Variants in LRSAM1 observed in about 807,000 individuals in gnomAD.
LRSAM1 encodes E3 ubiquitin-protein ligase LRSAM1.
A neutral mutation model predicts 118.1 loss-of-function variants in LRSAM1; 96 were observed. That is an observed-to-expected ratio of 0.81 (90% CI 0.69 to 0.96). The LOEUF (loss-of-function observed/expected upper bound fraction) is 0.96. Ranked by LOEUF, LRSAM1 falls within the 40% of genes least tolerant of loss-of-function variation. The pLI, the probability that LRSAM1 is intolerant of heterozygous loss-of-function variation, is 0.00. For missense variants in LRSAM1, 804 were observed against 915.5 expected, an observed-to-expected ratio of 0.88 and a Z score of 1.57; for synonymous variants, 322 against 364.2, an observed-to-expected ratio of 0.88 and a Z score of 1.32.
intron 3 of LRSAM1, 58 bp downstream of exon 3, chr9:127,454,657 G>A: frequency 4.5e-6 from 7 of 1,549,160 alleles, no homozygotes; most frequent in Non-Finnish European, 6.2e-6. Flanking sequence ...TCCCCATGGA[G>A]TAGGCCTCCG....
chr9:127,462,428 C>T, intron 9 of LRSAM1, 55 bp downstream of exon 9: 1 of 1,612,220 alleles, frequency 6.2e-7, no homozygotes, highest in Non-Finnish European at 8.5e-7. Flanking sequence ...CACCTCCCCT[C>T]TCTCCCACAT....
intron 18 of LRSAM1, 98 bp downstream of exon 18, chr9:127,487,861 C>T: frequency 4.8e-6 from 5 of 1,037,544 alleles, no homozygotes; most frequent in Non-Finnish European, 7.2e-6. Flanking sequence ...TCCTAGACAG[C>T]ATGTGGGACC....
chr9:127,454,661 G>C, intron 3 of LRSAM1, 62 bp downstream of exon 3: 1 of 1,509,382 alleles, frequency 6.6e-7, no homozygotes, highest in Non-Finnish European at 9.1e-7. Context: ...CATGGAGTAG[G>C]CCTCCGCACT....
In LRSAM1 at chr9:127,483,017, G is replaced by A. The variant is rs1376473313; in HGVS notation, c.1156G>A (p.Ala386Thr). Residue 386 changes from alanine to threonine, a missense_variant, in exon 16 of 26, where the codon GCC becomes ACC. Physicochemically the swap from Ala to Thr is moderately conservative, Grantham distance 58. Transcript: ENST00000300417. ...ETESLRRRDVASAMQQMLTES... is the reference protein window; with the variant it reads ...ETESLRRRDVTSAMQQMLTES... ...TGAGAGCCTGCGGCGACGTGACGTT[G>A]CCTGTGAGTTTTGGGATGGGGAGCT... The A allele has an allele frequency of 6.2e-7, 1 of 1,604,960 alleles. No homozygotes were observed. The highest frequency in any genetic ancestry group is 2.2e-5 in the East Asian group (1 of 44,500).
Position 127,492,715 on chromosome 9 carries a change from G to A in LRSAM1, c.1504-87G>A, listed in dbSNP as rs1835975828. ...ATTGGGCAGAGAACCGAGTGAGCGG[G>A]AGGCCAGGCCCTTCTCCATCCTGCC... is the stretch of plus-strand genomic sequence containing the variant. On this transcript the variant is annotated intron_variant, in intron 20 of 25. Transcript: ENST00000300417. The A allele has an allele frequency of 4.0e-6, 5 of 1,241,412 alleles. No individual in the cohort carries two copies. The Admixed American group carries it at 5.7e-5, about 14-fold the overall frequency. 76.9% of individuals were successfully genotyped at this position (1,241,412 alleles called of 1,614,324 possible).
In LRSAM1 at chr9:127,502,925, T is replaced by G. The variant is rs1305869985; in HGVS notation, c.*26T>G. ...GTGCTGCCCGCCCACCTGGGCCTGG[T>G]CCTAGCCCTGCCTCGGCCACTGTGA... On this transcript the variant is annotated 3_prime_UTR_variant, in exon 26 of 26. Transcript: ENST00000300417. 13 of 1,574,504 alleles carry G rather than the reference T, an allele frequency of 8.3e-6. No homozygotes were observed. Among genetic ancestry groups the G allele is most frequent in the Non-Finnish European group, 1.1e-5 (13 of 1,161,436 alleles).
At chr9:127,479,114 C>A in intron 12 of LRSAM1, 151 bp downstream of exon 12, 1 of 956,900 alleles carries the variant, frequency 1.0e-6, no homozygotes, top group Non-Finnish European at 1.6e-6. Context: ...TGCATCCTCA[C>A]ATGCCTCAGG....
At chr9:127,472,946 C>T (rs1157602790) in intron 10 of LRSAM1, among the ~76,000 whole-genome samples, 1 of 152,130 alleles carries the variant, frequency 6.6e-6, no homozygotes, top group East Asian at 1.9e-4. Flanking sequence ...GGCACGAGCG[C>T]CCTAGGGTGC....
At chr9:127,474,003 T>C (rs1835269420) in intron 11 of LRSAM1, 72 bp downstream of exon 11, 3 of 1,606,518 alleles carry the variant, frequency 1.9e-6, no homozygotes, top group African/African-American at 2.7e-5. Flanking sequence ...TTGAGGGAGC[T>C]GGGAATGGAA....
intron 17 of LRSAM1, chr9:127,486,701 C>T (rs1835745685): frequency 6.6e-6 from 1 of 152,288 alleles, no homozygotes; most frequent in Admixed American, 6.5e-5. Flanking sequence ...TCAGGCAAGT[C>T]TCTTTCCTTC....
chr9:127,492,785 T>C lies in LRSAM1; in HGVS notation c.1504-17T>C, dbSNP rs1360128248. On this transcript the variant is annotated splice_polypyrimidine_tract_variant and intron_variant, in intron 20 of 25. Coordinates refer to ENST00000300417, the MANE Select transcript of LRSAM1 (RefSeq NM_001005373.4). ...GCCGCCAGCTCACGGTGGTGCGGGG[T>C]GTGGTCTTGTTCGCAGGAGATGATC... The C allele has an allele frequency of 1.2e-6, 2 of 1,611,064 alleles. No individual in the cohort carries two copies. Among genetic ancestry groups the C allele is most frequent in the Non-Finnish European group, 8.5e-7 (1 of 1,178,726 alleles).
In LRSAM1 at chr9:127,454,564, G is replaced by A; in HGVS notation, c.37G>A (p.Glu13Lys). The change falls in exon 3 of 26, where the codon GAG becomes AAG. Residue 13 changes from glutamate (E) to lysine (K), a missense_variant. By Grantham distance (56) the Glu-to-Lys change is moderately conservative. Coordinates refer to ENST00000300417, the MANE Select transcript of LRSAM1 (RefSeq NM_001005373.4). ...CTTCCGGAAGCGGAAACCCAGTGAG[G>A]AGGCTCGGAAACGCCTGGAGTACCA... is the stretch of plus-strand genomic sequence containing the variant. ...LFFRKRKPSE[E>K]ARKRLEYQMC... 1.9e-6 allele frequency: 3 copies of A among 1,614,162 alleles called. No individual in the cohort carries two copies. The highest frequency in any genetic ancestry group is 2.5e-6 in the Non-Finnish European group (3 of 1,180,018).
chr9:127,479,421 C>T lies in LRSAM1; in HGVS notation c.819C>T (p.Arg273=). 1 of 1,614,206 alleles carries T rather than the reference C, an allele frequency of 6.2e-7. No individual in the cohort carries two copies. The highest frequency in any genetic ancestry group is 8.5e-7 in the Non-Finnish European group (1 of 1,180,036). The stretch of plus-strand genomic sequence containing the variant: ...TGGAGAAACTCGAGTTTGAACGGCG[C>T]CTGGAACTGGGGCAGCGGGAGCACA... ...KMLEKLEFER[R]LELGQREHTQ... Residue 273 remains arginine (R), a synonymous_variant, in exon 13 of 26, where the codon CGC becomes CGT. Transcript: ENST00000300417.
At chr9:127,459,775 C>T (rs1564253142) in intron 7 of LRSAM1, among the ~76,000 whole-genome samples, 2 of 151,222 alleles carry the variant, frequency 1.3e-5, no homozygotes. Flanking sequence ...GCCAGGCTGA[C>T]CTCAAACTCC....
intron 14 of LRSAM1, 105 bp from the exon 15 acceptor site, chr9:127,481,078 A>T (rs1835518604): frequency 7.4e-6 from 9 of 1,223,758 alleles, no homozygotes; most frequent in Non-Finnish European, 1.1e-5. Context: ...GGTGGAGCCA[A>T]GGTGCCCCCA....
At chr9:127,484,328 T>C (rs1449053086) in intron 16 of LRSAM1, among the ~76,000 whole-genome samples, 5 of 151,858 alleles carry the variant, frequency 3.3e-5, no homozygotes, top group Non-Finnish European at 7.4e-5. Flanking sequence ...AAAATTTTCT[T>C]CCTTTTTAAT....
intron 10 of LRSAM1, among the ~76,000 whole-genome samples, chr9:127,469,743 C>T (rs1319483071): frequency 1.3e-5 from 2 of 152,162 alleles, no homozygotes; most frequent in South Asian, 4.1e-4. Flanking sequence ...GTGGGCGGAT[C>T]ATGACGTCAG....
At chr9:127,467,592 T>A (rs906452310) in intron 9 of LRSAM1, 148 bp from the exon 10 acceptor site, 15 of 786,094 alleles carry the variant, frequency 1.9e-5, no homozygotes, top group Non-Finnish European at 3.2e-5. Context: ...AACGCAGCTG[T>A]AAGTAACAAG....
intron 24 of LRSAM1, among the ~76,000 whole-genome samples, chr9:127,499,131 G>A (rs1428348332): frequency 6.6e-6 from 1 of 151,964 alleles, no homozygotes; most frequent in African/African-American, 2.4e-5. Context: ...CCCACACTTT[G>A]GGAGGCCTAC....
Sources: allele counts gnomAD v4.1 joint callset (sites outside exome capture counted in the v4.1 genomes callset), GRCh38; gene constraint gnomAD v4.1.1; transcripts MANE v1.5; gene names NCBI Gene and HGNC (gene_info 2026-07-23, HGNC 2026-07-21).